Variants in ZKSCAN4 observed in about 807,000 individuals in gnomAD.
ZKSCAN4 encodes the protein zinc finger protein with KRAB and SCAN domains 4.
ZKSCAN4 carries 23 observed loss-of-function variants against 30.8 expected under a neutral mutation model. The observed-to-expected ratio is 0.75, with a 90% CI of 0.54 to 1.06. The LOEUF (loss-of-function observed/expected upper bound fraction) is 1.06, where lower values mean the gene tolerates loss of function less well. Among genes scored for constraint, ZKSCAN4 ranks in the 50% least tolerant of loss-of-function variants. The pLI is 0.00. For missense variants in ZKSCAN4, 556 were observed against 665.4 expected (o/e 0.84, Z 1.81); for synonymous variants, 208 against 252.5 (o/e 0.82, Z 1.67).
At chr6:28,252,603 C>G (rs937708340), upstream of ZKSCAN4, among the ~76,000 whole-genome samples, 1 of 152,160 alleles carries the variant, frequency 6.6e-6, no homozygotes, top group Admixed American at 6.5e-5. Flanking sequence ...GACCTTTAGT[C>G]TCTCTCAGAA....
rs1760585456 is a variant in ZKSCAN4 at position 28,243,665 on chromosome 6, T to C, written c.*1451A>G. ...TTCTGAACAGACACATTTTCTTTTC[T>C]TTTTTTTTTTTCTTTTTGAGACAGA... On this transcript the variant is annotated 3_prime_UTR_variant, in exon 5 of 5. Coordinates refer to ENST00000377294, the MANE Select transcript of ZKSCAN4 (RefSeq NM_019110.5). Among the ~76,000 whole-genome samples the C allele has an allele frequency of 7.1e-6, 1 of 140,444 alleles. No homozygotes were observed. Among genetic ancestry groups the C allele is most frequent in the Non-Finnish European group, 1.5e-5 (1 of 65,714 alleles). 92.1% of individuals were successfully genotyped at this position (140,444 alleles called of 152,430 possible).
Position 28,251,794 on chromosome 6 carries a change from C to A in ZKSCAN4, c.187G>T (p.Glu63Ter). 6.2e-7 allele frequency: 1 copy of A among 1,613,822 alleles called. No individual in the cohort carries two copies. The highest frequency in any genetic ancestry group is 1.1e-5 in the South Asian group (1 of 91,074). ...RQRFRGFRYP[E>*]AAGPREALSR... is the part of the protein sequence containing the mutation. ...AACGCCTCGCGGGGGCCCGCAGCCT[C>A]CGGGTAGCGGAAGCCTCGGAAGCGC... Residue 63 changes from glutamate to a stop codon, truncating the protein, a stop_gained, in exon 1 of 5, where the codon GAG becomes TAG. Coordinates refer to ENST00000377294, the MANE Select transcript of ZKSCAN4 (RefSeq NM_019110.5). LOFTEE classifies it high-confidence loss of function. The surrounding 1 kb of genome is among the most constrained non-coding windows in gnomAD (Gnocchi z 4.5).
chr6:28,246,283 A>G (rs1760729782), intron 4 of ZKSCAN4, among the ~76,000 whole-genome samples: 1 of 152,066 alleles, frequency 6.6e-6, no homozygotes, highest in Non-Finnish European at 1.5e-5. Flanking sequence ...AGGGCCATGC[A>G]CCTAGGATTA....
At position 28,251,866 on chromosome 6, in the gene ZKSCAN4, C is replaced by G; in HGVS notation, c.115G>C (p.Val39Leu). The part of the protein sequence containing the change: ...KEEASALTAE[V>L]RAPCSPARGP... The stretch of plus-strand genomic sequence containing the variant: ...CGAGCAGGGCTGCAGGGTGCTCTCA[C>G]CTCCGCCGTCAAGGCGGAGGCTTCC... Residue 39 changes from valine to leucine, a missense_variant, in exon 1 of 5, where the codon GTG (valine) becomes CTG (leucine). By Grantham distance (32) the Val-to-Leu change is conservative. This residue lies in a region of ZKSCAN4 where 115 missense variants were observed against 125.9 expected (regional missense o/e 0.91). Transcript: ENST00000377294. This position sits in a 1 kb window ranked among gnomAD's most constrained non-coding sequence, Gnocchi z 4.5. 1.9e-6 allele frequency: 3 copies of G among 1,565,466 alleles called. No homozygotes were observed. The highest frequency in any genetic ancestry group is 2.6e-6 in the Non-Finnish European group (3 of 1,160,252).
rs534228316 is a variant in ZKSCAN4, at chr6:28,249,982, T to C, written c.424-148A>G. On this transcript the variant is annotated intron_variant, in intron 1 of 4. Transcript: ENST00000377294. This position sits in a 1 kb window ranked among gnomAD's most constrained non-coding sequence, Gnocchi z 4.1. Reference sequence around the variant, plus strand: ...CAACCCTGTGAGCTATTATTTTGGATTTTTATGATAAGTTGCTGAAAACGG... The same window carrying C: ...CAACCCTGTGAGCTATTATTTTGGACTTTTATGATAAGTTGCTGAAAACGG... 12 of 933,506 alleles carry C rather than the reference T, an allele frequency of 1.3e-5. No homozygotes were observed. The highest frequency in any genetic ancestry group is 1.7e-5 in the Non-Finnish European group (11 of 639,946). The allele number at this position is 933,506 out of a possible 1,614,324, so 57.8% of individuals were successfully genotyped here.
rs1455809877 is a variant in ZKSCAN4, at chr6:28,242,323, C to T, written c.*2793G>A. On this transcript the variant is annotated 3_prime_UTR_variant, in exon 5 of 5. Transcript: ENST00000377294. The stretch of plus-strand genomic sequence containing the variant: ...ATTTTATAATTCAGCTATTTATAAA[C>T]ACATACCACTGTTTTATAGAAAAGT... Among the ~76,000 whole-genome samples, 1 of 152,116 alleles carries T rather than the reference C, an allele frequency of 6.6e-6. No homozygotes were observed. Among genetic ancestry groups the T allele is most frequent in the Non-Finnish European group, 1.5e-5 (1 of 68,004 alleles).
chr6:28,254,857 G>A (rs1382235494), upstream of ZKSCAN4, among the ~76,000 whole-genome samples: 1 of 152,196 alleles, frequency 6.6e-6, no homozygotes. Flanking sequence ...TAACAAGATG[G>A]CTATTAAAGG....
chr6:28,252,068 G>T lies in ZKSCAN4; in HGVS notation c.-88C>A. On this transcript the variant is annotated 5_prime_UTR_variant, in exon 1 of 5. Coordinates refer to ENST00000377294, the MANE Select transcript of ZKSCAN4 (RefSeq NM_019110.5). Reference sequence around the variant, plus strand: ...TGGAAGGGTGGTAAATTTTCCAGTAGAACTGCAAGTGGTCCCCCTCCTGTC... The same window carrying T: ...TGGAAGGGTGGTAAATTTTCCAGTATAACTGCAAGTGGTCCCCCTCCTGTC... The T allele has an allele frequency of 1.4e-6, 2 of 1,415,080 alleles. No homozygotes were observed. Among genetic ancestry groups the T allele is most frequent in the Non-Finnish European group, 1.9e-6 (2 of 1,055,352 alleles). The allele number at this position is 1,415,080 out of a possible 1,614,324, so 87.7% of individuals were successfully genotyped here.
the ZKSCAN4 span, among the ~76,000 whole-genome samples, chr6:28,257,564 C>A: frequency 6.6e-6 from 1 of 150,444 alleles, no homozygotes; most frequent in East Asian, 1.9e-4. Context: ...TAAAAAAAAA[C>A]AGTTATCTCT....
chr6:28,245,004 A>G lies in ZKSCAN4; in HGVS notation c.*112T>C. 7.8e-7 allele frequency: 1 copy of G among 1,277,894 alleles called. No individual in the cohort carries two copies. The allele number at this position is 1,277,894 out of a possible 1,614,324, so 79.2% of individuals were successfully genotyped here. ...AGACTACATTTTCTAATACCCGATG[A>G]TGTATAGTGGTAAATAAAGCCCTGG... On this transcript the variant is annotated 3_prime_UTR_variant, in exon 5 of 5. Coordinates refer to ENST00000377294, the MANE Select transcript of ZKSCAN4 (RefSeq NM_019110.5).
Position 28,244,393 on chromosome 6 carries a change from C to A in ZKSCAN4, c.*723G>T, listed in dbSNP as rs1760615189. On this transcript the variant is annotated 3_prime_UTR_variant, in exon 5 of 5. Transcript: ENST00000377294. ...TTAACATTGACCAGACAGTGGAGTTCTATGGATGGAGCAATCTCACAGTGT... is the reference window on the plus strand; with the variant it reads ...TTAACATTGACCAGACAGTGGAGTTATATGGATGGAGCAATCTCACAGTGT... Among the ~76,000 whole-genome samples the A allele has an allele frequency of 6.6e-6, 1 of 152,140 alleles. No individual in the cohort carries two copies. The highest frequency in any genetic ancestry group is 2.4e-5 in the African/African-American group (1 of 41,418).
chr6:28,246,393 GGTGATC>G (rs1429427623), intron 4 of ZKSCAN4, among the ~76,000 whole-genome samples: 3 of 151,812 alleles, frequency 2.0e-5, no homozygotes, highest in African/African-American at 7.3e-5. Context: ...ACTGGTGACT[GGTGATC>G]GATCAATGAC....
Position 28,251,742 on chromosome 6 carries a change from T to C in ZKSCAN4, c.239A>G (p.Gln80Arg), listed in dbSNP as rs958790573. ...GCTGTGCATCTCAGGCTGCAGCCAT[T>C]GTCCGCAGAGTTCTCGGAGCCGGCT... Reference protein sequence around the residue: ...ALSRLRELCGQWLQPEMHSKE... With the variant: ...ALSRLRELCGRWLQPEMHSKE... The change falls in exon 1 of 5, where the codon CAA becomes CGA. Residue 80 changes from glutamine (Q) to arginine (R), a missense_variant. Coordinates refer to ENST00000377294, the MANE Select transcript of ZKSCAN4 (RefSeq NM_019110.5). This position sits in a 1 kb window ranked among gnomAD's most constrained non-coding sequence, Gnocchi z 4.5. 3.7e-6 allele frequency: 6 copies of C among 1,614,126 alleles called. No homozygotes were observed. Among genetic ancestry groups the C allele is most frequent in the Non-Finnish European group, 4.2e-6 (5 of 1,180,044 alleles).
At chr6:28,253,911 C>A (rs147550448), upstream of ZKSCAN4, among the ~76,000 whole-genome samples, 5,856 of 152,290 alleles carry the variant, frequency 0.038, 176 homozygotes, top group South Asian at 0.11. This position sits in a 1 kb window ranked among gnomAD's most constrained non-coding sequence, Gnocchi z 4.2. Context: ...CTCAGCCTCC[C>A]AAAGTGCTGG....
rs772026447 is a variant in ZKSCAN4, at chr6:28,242,600, A to G, written c.*2516T>C. On this transcript the variant is annotated 3_prime_UTR_variant, in exon 5 of 5. Transcript: ENST00000377294. ...CTTTCTAACATGTCACCCTGTCCAT[A>G]TAATAACAGCTTGCACAGCTGGAAG... 1.8e-4 allele frequency among the ~76,000 whole-genome samples: 27 copies of G among 152,220 alleles called. No individual in the cohort carries two copies. The highest frequency in any genetic ancestry group is 3.5e-4 in the Non-Finnish European group (24 of 68,028).
chr6:28,254,339 A>G (rs113072715), upstream of ZKSCAN4, among the ~76,000 whole-genome samples: 1,825 of 152,344 alleles, frequency 0.012, 32 homozygotes, highest in African/African-American at 0.038. Context: ...AGAAATTTCT[A>G]GAAAAGGGGT....
chr6:28,245,127 G>A lies in ZKSCAN4; in HGVS notation c.1627C>T (p.Leu543Phe). The change falls in exon 5 of 5, where the codon CTT becomes TTT. Residue 543 changes from leucine (L) to phenylalanine (F), a missense_variant. By Grantham distance (22) the Leu-to-Phe change is conservative. Around this residue, in one of 3 missense-constraint regions of ZKSCAN4, gnomAD observed 433 missense variants for 511.5 expected, o/e 0.85. Coordinates refer to ENST00000377294, the MANE Select transcript of ZKSCAN4 (RefSeq NM_019110.5). ...HQRSHVGKKT[L>F]SQ ...ATGAATACCATGGGTCACTGTGAAAGAGTTTTTTTCCCTACATGGCTTCTC... is the reference window on the plus strand; with the variant it reads ...ATGAATACCATGGGTCACTGTGAAAAAGTTTTTTTCCCTACATGGCTTCTC... The A allele has an allele frequency of 6.2e-7, 1 of 1,613,962 alleles. No homozygotes were observed. Among genetic ancestry groups the A allele is most frequent in the Non-Finnish European group, 8.5e-7 (1 of 1,179,946 alleles).
At position 28,245,896 on chromosome 6, in the gene ZKSCAN4, G is replaced by C. The variant is rs754462388; in HGVS notation, c.858C>G (p.His286Gln). The change falls in exon 5 of 5, where the codon CAC becomes CAG. Residue 286 changes from histidine (H) to glutamine (Q), a missense_variant. By Grantham distance (24) the His-to-Gln change is conservative (BLOSUM62 0). Transcript: ENST00000377294. ...LPEKEHGKIC[H>Q]LREDIAQIPT... Reference sequence around the variant, plus strand: ...GAATCTGGGCAATGTCTTCCCTCAGGTGGCATATCTTCCCATGCTCCTTTT... The same window carrying C: ...GAATCTGGGCAATGTCTTCCCTCAGCTGGCATATCTTCCCATGCTCCTTTT... 3 of 1,614,036 alleles carry C rather than the reference G, an allele frequency of 1.9e-6. No homozygotes were observed. In the African/African-American group the frequency reaches 4.0e-5, roughly 22 times the overall value.
rs1463651536 is a variant in ZKSCAN4, at chr6:28,242,517, ATC to A, written c.*2597_*2598del. On this transcript the variant is annotated 3_prime_UTR_variant, in exon 5 of 5. Transcript: ENST00000377294. ...CACTGAAGGCCCCTACAATGTCCCTATCTCTTAAAATTTGCTTTATTTACTCA... is the reference window on the plus strand; with the variant it reads ...CACTGAAGGCCCCTACAATGTCCCTATCTTAAAATTTGCTTTATTTACTCA... 1.3e-5 allele frequency among the ~76,000 whole-genome samples: 2 copies of A among 152,182 alleles called. No individual in the cohort carries two copies. The highest frequency in any genetic ancestry group is 2.9e-5 in the Non-Finnish European group (2 of 68,014).
Sources: gnomAD v4.1 joint callset for allele counts (sites outside exome capture counted in the v4.1 genomes callset) on GRCh38, gnomAD v4.1.1 for gene constraint, gnomAD v4.1.1 regional missense constraint, Gnocchi (gnomAD v3.1) non-coding constraint, MANE v1.5 for transcripts, NCBI Gene and HGNC (gene_info 2026-07-23, HGNC 2026-07-21) for gene names.